CCDC81: variants seen among roughly 807,000 people sequenced by gnomAD.
The protein encoded by CCDC81 is coiled-coil domain-containing protein 81.
A neutral mutation model predicts 83.7 loss-of-function variants in CCDC81; 79 were observed. The ratio of observed to expected loss-of-function variants is 0.94; its 90% confidence interval spans 0.79 to 1.14. The LOEUF is 1.14. Ranked by LOEUF, CCDC81 falls within the 50% of genes most tolerant of loss-of-function variation. The probability of loss-of-function intolerance (pLI) is 0.00; values close to 1 mark genes in which losing one functional copy is unlikely to be tolerated. For missense variants in CCDC81, 791 were observed against 778.1 expected (o/e 1.02, Z -0.20); for synonymous variants, 252 against 278.1 (o/e 0.91, Z 0.93).
chr11:86,411,366 T>C (rs889133911), intron 10 of CCDC81, among the ~76,000 whole-genome samples: 15 of 152,214 alleles, frequency 9.9e-5, no homozygotes, highest in African/African-American at 2.9e-4. Flanking sequence ...TGGAAAAACC[T>C]TCCCTAATAA....
chr11:86,397,483 T>A (rs1948424334), intron 5 of CCDC81, 138 bp from the exon 6 acceptor site: 1 of 980,744 alleles, frequency 1.0e-6, no homozygotes, highest in Non-Finnish European at 1.5e-6. Context: ...ACTTAGCACA[T>A]CAGAGCACTC....
rs548996677 is a variant in CCDC81, at chr11:86,409,483, T to C, written c.1218+118T>C. On this transcript the variant is annotated intron_variant, in intron 10 of 14. Transcript: ENST00000445632. ...ATTTTTATTTTTTGAGATGGAGTCT[T>C]GCTCCGTCACCCAGGCTGCAGTGCA... is the stretch of plus-strand genomic sequence containing the variant. The C allele has an allele frequency of 1.7e-3, 798 of 477,770 alleles. 2 individuals are homozygous for C. Among genetic ancestry groups the C allele is most frequent in the Middle Eastern group, 2.6e-3 (9 of 3,408 alleles). 29.6% of individuals were successfully genotyped at this position (477,770 alleles called of 1,614,324 possible).
chr11:86,400,157 C>T (rs1273415156), intron 6 of CCDC81, among the ~76,000 whole-genome samples: 1 of 150,730 alleles, frequency 6.6e-6, no homozygotes, highest in East Asian at 1.9e-4. Context: ...AAGAAAAAGA[C>T]TGCAACATTT....
At chr11:86,385,980 A>G in intron 1 of CCDC81, 71 bp from the exon 2 acceptor site, 1 of 721,182 alleles carries the variant, frequency 1.4e-6, no homozygotes, top group Non-Finnish European at 2.4e-6. Flanking sequence ...ATTTTTATTT[A>G]TTAGCACTAA....
chr11:86,421,424 C>T (rs1264845413), intron 14 of CCDC81, among the ~76,000 whole-genome samples: 1 of 152,128 alleles, frequency 6.6e-6, no homozygotes, highest in Non-Finnish European at 1.5e-5. Flanking sequence ...ATTCTCCTGC[C>T]TCAGCATCCC....
chr11:86,378,741 C>T (rs959092471), intron 1 of CCDC81, among the ~76,000 whole-genome samples: 1 of 152,170 alleles, frequency 6.6e-6, no homozygotes, highest in Non-Finnish European at 1.5e-5. Context: ...TTTCTGACAA[C>T]TCTCCTTGAT....
intron 4 of CCDC81, among the ~76,000 whole-genome samples, chr11:86,394,253 A>C (rs922686390): frequency 1.3e-5 from 2 of 152,246 alleles, no homozygotes; most frequent in African/African-American, 4.8e-5. Flanking sequence ...TGACCTGCTG[A>C]ACTGTAAAGC....
At chr11:86,413,293 A>G (rs907768197) in intron 11 of CCDC81, among the ~76,000 whole-genome samples, 10 of 152,032 alleles carry the variant, frequency 6.6e-5, no homozygotes, top group Non-Finnish European at 7.4e-5. Context: ...CCTGCCTGCT[A>G]GGGTCTTGGG....
At chr11:86,408,508 AT>A (rs1037314396) in intron 9 of CCDC81, among the ~76,000 whole-genome samples, 2 of 151,864 alleles carry the variant, frequency 1.3e-5, no homozygotes, top group African/African-American at 2.4e-5. Context: ...TAATTTATGT[AT>A]TTTTTGTAGA....
intron 1 of CCDC81, among the ~76,000 whole-genome samples, chr11:86,378,362 T>C (rs1239170955): frequency 6.6e-6 from 1 of 152,202 alleles, no homozygotes; most frequent in East Asian, 1.9e-4. Context: ...CCTTTTCTAT[T>C]TGTTAAGGTG....
chr11:86,418,990 G>T (rs1485543904), intron 13 of CCDC81: 2 of 152,166 alleles, frequency 1.3e-5, no homozygotes, highest in East Asian at 1.9e-4. Flanking sequence ...GTATCATTTA[G>T]TCTTTATAAT....
chr11:86,383,632 C>T (rs113886070), intron 1 of CCDC81, among the ~76,000 whole-genome samples: 3 of 152,266 alleles, frequency 2.0e-5, no homozygotes, highest in African/African-American at 4.8e-5. Context: ...TAAGTAAGAA[C>T]CCTGGCTTCC....
At chr11:86,420,654 C>G (rs1333907491) in intron 14 of CCDC81, among the ~76,000 whole-genome samples, 1 of 151,928 alleles carries the variant, frequency 6.6e-6, no homozygotes, top group Non-Finnish European at 1.5e-5. Flanking sequence ...TTATTAAAAC[C>G]CAAATATACC....
chr11:86,396,133 C>A (rs1296413210), intron 5 of CCDC81, among the ~76,000 whole-genome samples: 1 of 152,196 alleles, frequency 6.6e-6, no homozygotes, highest in Admixed American at 6.6e-5. Context: ...ACGGGTTAAA[C>A]AGATAAGTTA....
intron 1 of CCDC81, 22 bp from the exon 2 acceptor site, chr11:86,386,029 T>A: frequency 7.2e-7 from 1 of 1,397,924 alleles, no homozygotes; most frequent in Non-Finnish European, 9.9e-7. Context: ...TTGAATAATT[T>A]CTGGTTACTT....
At position 86,422,940 on chromosome 11, in the gene CCDC81, G is replaced by T; in HGVS notation, c.*225G>T. 3.9e-6 allele frequency: 2 copies of T among 506,438 alleles called. No individual in the cohort carries two copies. Among genetic ancestry groups the T allele is most frequent in the Non-Finnish European group, 7.0e-6 (2 of 285,034 alleles). The allele number at this position is 506,438 out of a possible 1,614,324, so 31.4% of individuals were successfully genotyped here. ...CTGATGGCAGTGAAGGTGTCTGAAT[G>T]GTCCTGAGGGCTAGAACCTGCTGCA... is the stretch of plus-strand genomic sequence containing the variant. On this transcript the variant is annotated 3_prime_UTR_variant, in exon 15 of 15. Coordinates refer to ENST00000445632, the MANE Select transcript of CCDC81 (RefSeq NM_001156474.2).
At chr11:86,422,094 T>C (rs938134081) in intron 14 of CCDC81, among the ~76,000 whole-genome samples, 2 of 152,188 alleles carry the variant, frequency 1.3e-5, no homozygotes, top group African/African-American at 4.8e-5. Flanking sequence ...TGCCCTTAAC[T>C]CTCCAGAGGC....
At chr11:86,391,404 C>T (rs1280495086) in intron 3 of CCDC81, among the ~76,000 whole-genome samples, 2 of 152,194 alleles carry the variant, frequency 1.3e-5, no homozygotes, top group Non-Finnish European at 2.9e-5. Flanking sequence ...TCCTCTTTAT[C>T]AGTGGACCTT....
At chr11:86,378,427 G>A (rs1312467342) in intron 1 of CCDC81, among the ~76,000 whole-genome samples, 1 of 152,142 alleles carries the variant, frequency 6.6e-6, no homozygotes, top group Non-Finnish European at 1.5e-5. Context: ...GTGAGCTTGA[G>A]AAGAATGTGC....
Sources: allele counts gnomAD v4.1 joint callset (sites outside exome capture counted in the v4.1 genomes callset), GRCh38; gene constraint gnomAD v4.1.1; transcripts MANE v1.5; gene names NCBI Gene and HGNC (gene_info 2026-07-23, HGNC 2026-07-21).